CSMD3: variants seen among roughly 807,000 people sequenced by gnomAD.
CSMD3 encodes the protein CUB and Sushi multiple domains 3, also known as CUB and sushi domain-containing protein 3.
Under a neutral mutation model 435.2 loss-of-function variants are expected in CSMD3, and 177 were observed. That is an observed-to-expected ratio of 0.41 (90% confidence interval 0.36 to 0.46). The LOEUF (loss-of-function observed/expected upper bound fraction) is 0.46, where lower values mean the gene tolerates loss of function less well. Among genes scored for constraint, CSMD3 ranks in the 20% least tolerant of loss-of-function variants. The pLI is 0.34. For synonymous variants in CSMD3, 1,656 were observed against 1,520.5 expected, an observed-to-expected ratio of 1.09 and a Z score of -2.07; for missense variants, 4,265 against 4,504.6, an observed-to-expected ratio of 0.95 and a Z score of 1.52.
rs1252004282 is a variant in CSMD3 at position 112,224,230 on chromosome 8, T to C, written c.*541A>G. The C allele has an allele frequency of 6.4e-6, 1 of 155,780 alleles. No individual in the cohort carries two copies. The highest frequency in any genetic ancestry group is 1.4e-5 in the Non-Finnish European group (1 of 70,038). 9.6% of individuals were successfully genotyped at this position (155,780 alleles called of 1,614,324 possible). A position where few individuals can be genotyped will look rare whatever the true frequency, so the allele number is the denominator to read the frequency against. ...GTCTTCCGAGGCATAAACTAGCTCA[T>C]AAACATTTAAAGTCATAACTCAATC... is the stretch of plus-strand genomic sequence containing the variant. On this transcript the variant is annotated 3_prime_UTR_variant, in exon 71 of 71. Transcript: ENST00000297405.
intron 30 of CSMD3, among the ~76,000 whole-genome samples, chr8:112,499,414 G>T (rs1014625800): frequency 2.0e-5 from 3 of 152,032 alleles, no homozygotes; most frequent in Non-Finnish European, 4.4e-5. Flanking sequence ...TCAAAAAATG[G>T]TGAGAAGATG....
chr8:112,587,502 A>G (rs1311707070), intron 22 of CSMD3, among the ~76,000 whole-genome samples: 1 of 151,816 alleles, frequency 6.6e-6, no homozygotes, highest in African/African-American at 2.4e-5. Context: ...AAAGGATAGC[A>G]TAGGAAAGGG....
chr8:113,378,901 A>C (rs2094402417), intron 1 of CSMD3, among the ~76,000 whole-genome samples: 1 of 152,270 alleles, frequency 6.6e-6, no homozygotes, highest in Non-Finnish European at 1.5e-5. Context: ...ACTTTAAAGA[A>C]ATTGAAAGAA....
intron 8 of CSMD3, among the ~76,000 whole-genome samples, chr8:112,952,504 AATAG>A (rs1384403812): frequency 6.6e-6 from 1 of 151,666 alleles, no homozygotes; most frequent in Non-Finnish European, 1.5e-5. Context: ...GTGTATTTGA[AATAG>A]ATATATAATA....
At chr8:112,276,358 C>T (rs1165924116) in intron 59 of CSMD3, among the ~76,000 whole-genome samples, 1 of 152,142 alleles carries the variant, frequency 6.6e-6, no homozygotes. Flanking sequence ...TACAAGTTGT[C>T]GATGTATCTC....
intron 3 of CSMD3, among the ~76,000 whole-genome samples, chr8:113,239,291 C>T (rs543573157): frequency 2.0e-5 from 3 of 151,976 alleles, no homozygotes; most frequent in Non-Finnish European, 4.4e-5. Flanking sequence ...TGAGCCAATT[C>T]CTTATGTTAT....
chr8:112,705,124 C>T (rs2076470933), intron 13 of CSMD3, among the ~76,000 whole-genome samples: 4 of 152,038 alleles, frequency 2.6e-5, no homozygotes, highest in Admixed American at 6.6e-5. Context: ...TCGGGACATG[C>T]TACCCCAAAA....
chr8:113,376,991 G>A (rs1030446967), intron 1 of CSMD3: 101 of 1,430,808 alleles, frequency 7.1e-5, no homozygotes, highest in African/African-American at 1.9e-4. Context: ...ATGACCAGCC[G>A]GGCCCGCAGC....
In CSMD3 at chr8:112,263,744, A is replaced by C; in HGVS notation, c.9757T>G (p.Phe3253Val). The change falls in exon 61 of 71, where the codon TTT (phenylalanine) becomes GTT (valine). Residue 3253 changes from phenylalanine (F) to valine (V), a missense_variant. Around this residue, in one of 3 missense-constraint regions of CSMD3, gnomAD observed 3,255 missense variants for 3,380.2 expected, o/e 0.96. Transcript: ENST00000297405. ...RLEGTNFDWGFSISYICSPGY... is the reference protein window; with the variant it reads ...RLEGTNFDWGVSISYICSPGY... ...GGAGAACAGATGTAGCTAATACTAA[A>C]GCCCCAGTCGAAATTTGTTCCTTCC... 1 of 1,613,896 alleles carries C rather than the reference A, an allele frequency of 6.2e-7. No homozygotes were observed. The highest frequency in any genetic ancestry group is 8.5e-7 in the Non-Finnish European group (1 of 1,179,814).
chr8:113,281,353 G>A (rs2093611683), intron 2 of CSMD3, among the ~76,000 whole-genome samples: 1 of 151,802 alleles, frequency 6.6e-6, no homozygotes. Flanking sequence ...GACCTCCAGT[G>A]TTACGTGCAT....
intron 4 of CSMD3, among the ~76,000 whole-genome samples, chr8:113,102,276 T>G (rs2090352272): frequency 6.6e-6 from 1 of 152,136 alleles, no homozygotes; most frequent in Non-Finnish European, 1.5e-5. Flanking sequence ...TAGAACCATC[T>G]CCTTAGAGGC....
Position 113,032,942 on chromosome 8 carries a change from A to T in CSMD3, c.918-13763T>A, listed in dbSNP as rs183591757. On this transcript the variant is annotated intron_variant, in intron 5 of 70. Transcript: ENST00000297405. ...CCATGCCTAAAAGGGGTCAAGGCACAGCTTGGGCCATTGCTTCAAATGGTC... is the reference window on the plus strand; with the variant it reads ...CCATGCCTAAAAGGGGTCAAGGCACTGCTTGGGCCATTGCTTCAAATGGTC... Among the ~76,000 whole-genome samples, 21 of 151,664 alleles carry T rather than the reference A, an allele frequency of 1.4e-4. No individual in the cohort carries two copies. In the East Asian group the frequency reaches 4.1e-3, roughly 29 times the overall value.
chr8:112,301,684 C>G (rs767025191), intron 53 of CSMD3, 109 bp downstream of exon 53: 1 of 823,196 alleles, frequency 1.2e-6, no homozygotes, highest in Non-Finnish European at 2.0e-6. Flanking sequence ...TTTTAACATA[C>G]TTACTGAATG....
At chr8:112,415,124 G>T (rs1222579364) in intron 32 of CSMD3, among the ~76,000 whole-genome samples, 1 of 152,220 alleles carries the variant, frequency 6.6e-6, no homozygotes, top group Non-Finnish European at 1.5e-5. Flanking sequence ...TGTCTCCAGA[G>T]CATGTCAGAG....
intron 35 of CSMD3, among the ~76,000 whole-genome samples, chr8:112,394,102 A>G (rs115680496): frequency 0.01 from 1,541 of 151,300 alleles, 35 homozygotes; most frequent in African/African-American, 0.035. Context: ...CTTCATCCAC[A>G]CTCTCTTTCA....
intron 5 of CSMD3, among the ~76,000 whole-genome samples, chr8:113,091,590 G>T (rs1300759421): frequency 6.6e-6 from 1 of 151,620 alleles, no homozygotes; most frequent in Admixed American, 6.6e-5. Context: ...ATGATTTTTT[G>T]AGTTTCTGCC....
At chr8:113,323,361 T>C (rs2093961798) in intron 1 of CSMD3, among the ~76,000 whole-genome samples, 1 of 152,196 alleles carries the variant, frequency 6.6e-6, no homozygotes, top group Non-Finnish European at 1.5e-5. Flanking sequence ...TCAATTGTTA[T>C]TCAAACTATT....
rs569762701 is a variant in CSMD3, at chr8:112,296,015, C to A, written c.8441-9G>T. ...AATTCCACAATGACCCGCTGAAATA[C>A]GTTATAAAGTAATATTTTTAATACT... is the stretch of plus-strand genomic sequence containing the variant. On this transcript the variant is annotated splice_polypyrimidine_tract_variant and intron_variant, in intron 53 of 70. Coordinates refer to ENST00000297405, the MANE Select transcript of CSMD3 (RefSeq NM_198123.2). The A allele has an allele frequency of 1.3e-6, 2 of 1,597,708 alleles. No individual in the cohort carries two copies. Among genetic ancestry groups the A allele is most frequent in the South Asian group, 2.2e-5 (2 of 90,676 alleles).
chr8:112,616,915 T>C (rs1191509098), intron 22 of CSMD3, among the ~76,000 whole-genome samples: 3 of 152,148 alleles, frequency 2.0e-5, no homozygotes, highest in Non-Finnish European at 4.4e-5. Context: ...AGGGAAAATG[T>C]GTAAAGTCCT....
Sources: gnomAD v4.1 joint callset for allele counts (sites outside exome capture counted in the v4.1 genomes callset) on GRCh38, gnomAD v4.1.1 for gene constraint, gnomAD v4.1.1 regional missense constraint, MANE v1.5 for transcripts, NCBI Gene and HGNC (gene_info 2026-07-23, HGNC 2026-07-21) for gene names.